Variants in ANKS1B observed in about 807,000 individuals in gnomAD.
ANKS1B encodes ankyrin repeat and sterile alpha motif domain-containing protein 1B.
ANKS1B carries 36 observed loss-of-function variants against 148.3 expected under a neutral mutation model. The ratio of observed to expected loss-of-function variants is 0.24; its 90% CI spans 0.19 to 0.32. The LOEUF (loss-of-function observed/expected upper bound fraction) is 0.32. ANKS1B is among the 10% of genes least tolerant of loss of function. The pLI, the probability that ANKS1B is intolerant of heterozygous loss-of-function variation, is 1.00. For missense variants in ANKS1B, 1,157 were observed against 1,542.6 expected (o/e 0.75, Z 4.19); for synonymous variants, 542 against 560.8 (o/e 0.97, Z 0.47).
At chr12:99,658,016 A>G (rs2098458623) in intron 8 of ANKS1B, among the ~76,000 whole-genome samples, 1 of 151,746 alleles carries the variant, frequency 6.6e-6, no homozygotes, top group African/African-American at 2.4e-5. Flanking sequence ...AGAGTTCTAT[A>G]GTCAAATGAT....
At chr12:99,786,018 C>T (rs908688518) in intron 4 of ANKS1B, among the ~76,000 whole-genome samples, 2 of 152,122 alleles carry the variant, frequency 1.3e-5, no homozygotes, top group African/African-American at 4.8e-5. Flanking sequence ...GGGGCATGAA[C>T]ATTTTATTTT....
At chr12:98,741,117 G>A (rs1026184067), downstream of ANKS1B, among the ~76,000 whole-genome samples, 3 of 152,166 alleles carry the variant, frequency 2.0e-5, no homozygotes, top group Non-Finnish European at 4.4e-5. Flanking sequence ...TTAAGACATT[G>A]TTATTGCTGG....
chr12:99,420,134 A>G (rs1432327593), intron 11 of ANKS1B, among the ~76,000 whole-genome samples: 5 of 152,228 alleles, frequency 3.3e-5, no homozygotes, highest in African/African-American at 1.2e-4. Context: ...ACTATTGGAC[A>G]GCTTTAGAAT....
intron 1 of ANKS1B, among the ~76,000 whole-genome samples, chr12:99,928,529 C>A (rs983479152): frequency 2.6e-5 from 4 of 151,980 alleles, no homozygotes; most frequent in African/African-American, 4.8e-5. Flanking sequence ...CCACCCGCCT[C>A]GGCCTCCCAA....
intron 1 of ANKS1B, 78 bp downstream of exon 1, chr12:99,984,026 A>AAT (rs2095747448): frequency 4.7e-6 from 6 of 1,280,236 alleles, no homozygotes; most frequent in Non-Finnish European, 6.4e-6. Flanking sequence ...CAGGTGCAAT[A>AAT]ACCGTGAGGA....
chr12:99,009,351 C>T (rs4762534), intron 17 of ANKS1B, among the ~76,000 whole-genome samples: 40,770 of 152,030 alleles, frequency 0.27, 5,960 homozygotes, highest in African/African-American at 0.39. Context: ...TTTGTAAGCA[C>T]GAACAGAGAG....
chr12:99,784,996 C>A (rs2064847229), intron 4 of ANKS1B, among the ~76,000 whole-genome samples: 1 of 152,060 alleles, frequency 6.6e-6, no homozygotes, highest in South Asian at 2.1e-4. Flanking sequence ...ACCATTGTAT[C>A]CCCAATGCCT....
chr12:99,135,393 C>A (rs1297537630), intron 15 of ANKS1B, among the ~76,000 whole-genome samples: 1 of 152,024 alleles, frequency 6.6e-6, no homozygotes, highest in African/African-American at 2.4e-5. Context: ...CCAAAATGTA[C>A]CTTTATATTT....
At chr12:98,914,109 G>T (rs565762955) in intron 17 of ANKS1B, among the ~76,000 whole-genome samples, 1 of 152,228 alleles carries the variant, frequency 6.6e-6, no homozygotes, top group Non-Finnish European at 1.5e-5. Context: ...GGAGGTGTTT[G>T]GATCATGGCG....
At chr12:99,814,794 T>C (rs1181962121) in intron 2 of ANKS1B, among the ~76,000 whole-genome samples, 5 of 151,900 alleles carry the variant, frequency 3.3e-5, no homozygotes, top group Admixed American at 2.0e-4. Context: ...ACAGATGTAA[T>C]TGTAAAATTA....
chr12:99,647,022 A>C (rs2153429510), intron 9 of ANKS1B, among the ~76,000 whole-genome samples: 1 of 152,224 alleles, frequency 6.6e-6, no homozygotes, highest in East Asian at 1.9e-4. Context: ...TAAAATAGTT[A>C]TTTCCCCTGG....
intron 12 of ANKS1B, among the ~76,000 whole-genome samples, chr12:99,276,253 T>C (rs559735043): frequency 6.6e-6 from 1 of 152,308 alleles, no homozygotes; most frequent in South Asian, 2.1e-4. Context: ...ATTTTGGGCA[T>C]TAAATTATGT....
intron 12 of ANKS1B, among the ~76,000 whole-genome samples, chr12:99,324,968 G>C (rs1005260381): frequency 6.6e-6 from 1 of 151,924 alleles, no homozygotes; most frequent in Admixed American, 6.6e-5. Context: ...CCATTATTAG[G>C]TGTTCCATTC....
chr12:99,362,543 T>C lies in ANKS1B; in HGVS notation c.1756+37088A>G, dbSNP rs554863880. On this transcript the variant is annotated intron_variant, in intron 12 of 26. Transcript: ENST00000683438. ...AAAGTCCTTCAGGTCATAAGCTTAA[T>C]TTGAAGATATTAAATGTCTGTCATA... Among the ~76,000 whole-genome samples, 11 of 152,150 alleles carry C rather than the reference T, an allele frequency of 7.2e-5. No homozygotes were observed. The South Asian group carries it at 2.3e-3, about 32-fold the overall frequency.
intron 17 of ANKS1B, among the ~76,000 whole-genome samples, chr12:98,945,550 G>GAAAT (rs2099844182): frequency 7.1e-6 from 1 of 140,766 alleles, no homozygotes; most frequent in Admixed American, 7.1e-5. Flanking sequence ...AGAGAGAGAG[G>GAAAT]AAATAAGTAA....
rs1188069212 is a variant in ANKS1B, at chr12:99,273,574, A to ATTT, written c.1757-26713_1757-26711dup. On this transcript the variant is annotated intron_variant, in intron 12 of 26. Coordinates refer to ENST00000683438, the MANE Select transcript of ANKS1B (RefSeq NM_001352186.2). ...ATCAGATTCTTTTTTTTTTTTTGCG[A>ATTT]TTTTTTTTTTTTTTTTTTTTGAGAC... Among the ~76,000 whole-genome samples, 226 of 97,034 alleles carry ATTT rather than the reference A, an allele frequency of 2.3e-3. 11 individuals are homozygous for ATTT. Among genetic ancestry groups the ATTT allele is most frequent in the African/African-American group, 7.9e-3 (187 of 23,576 alleles). The allele number at this position is 97,034 out of a possible 152,430, so 63.7% of individuals were successfully genotyped here. A position where few individuals can be genotyped will look rare whatever the true frequency, so the allele number is the denominator to read the frequency against.
intron 8 of ANKS1B, among the ~76,000 whole-genome samples, chr12:99,715,839 CCTTCT>C (rs1488350616): frequency 2.6e-5 from 4 of 152,192 alleles, no homozygotes; most frequent in African/African-American, 9.7e-5. Context: ...TCAATCTCTC[CCTTCT>C]CTTAATTTCA....
chr12:98,821,631 CAG>C (rs1207430415), intron 19 of ANKS1B, among the ~76,000 whole-genome samples: 3 of 152,156 alleles, frequency 2.0e-5, no homozygotes, highest in Non-Finnish European at 4.4e-5. Context: ...TTTTTTGAGA[CAG>C]AGTCTTGCTC....
intron 17 of ANKS1B, chr12:98,894,663 C>G: frequency 1.0e-6 from 1 of 985,574 alleles, no homozygotes; most frequent in Non-Finnish European, 1.2e-6. Flanking sequence ...AGCCGGGATC[C>G]GCGAGGGCTG....
Sources: gnomAD v4.1 joint callset for allele counts (sites outside exome capture counted in the v4.1 genomes callset) on GRCh38, gnomAD v4.1.1 for gene constraint, MANE v1.5 for transcripts, NCBI Gene and HGNC (gene_info 2026-07-23, HGNC 2026-07-21) for gene names.